KIT: variants seen among roughly 807,000 people sequenced by gnomAD.
KIT encodes the protein KIT proto-oncogene, receptor tyrosine kinase.
In KIT, 16 loss-of-function variants were observed where a neutral mutation model predicts 105.7. The ratio of observed to expected loss-of-function variants is 0.15; its 90% CI spans 0.10 to 0.23. The LOEUF (loss-of-function observed/expected upper bound fraction) is 0.23, where lower values mean the gene tolerates loss of function less well. KIT is among the 10% of genes least tolerant of loss of function. KIT has a pLI of 1.00. For synonymous variants in KIT, 438 were observed against 441.1 expected (o/e 0.99, Z 0.09); for missense variants, 858 against 1,213.8 (o/e 0.71, Z 4.36).
In KIT at chr4:54,700,667, C is replaced by T. The variant is rs377718364; in HGVS notation, c.756+901C>T. ...TTGGAAAAAAGAAATATTATATTTT[C>T]TTTCTCCTCCTCTTCCTCCTCCTGC... On this transcript the variant is annotated intron_variant, in intron 4 of 20. Coordinates refer to ENST00000288135, the MANE Select transcript of KIT (RefSeq NM_000222.3). Among the ~76,000 whole-genome samples, 31 of 152,150 alleles carry T rather than the reference C, an allele frequency of 2.0e-4. No individual in the cohort carries two copies. In the East Asian group the frequency reaches 3.7e-3, roughly 18 times the overall value.
chr4:54,682,756 T>G (rs6852724), intron 1 of KIT, among the ~76,000 whole-genome samples: 108 of 119,024 alleles, frequency 9.1e-4, no homozygotes, highest in African/African-American at 5.0e-3. Flanking sequence ...GACCGTTTTT[T>G]TTTTTTTTTT....
chr4:54,704,912 C>A (rs1315347456), intron 5 of KIT, among the ~76,000 whole-genome samples: 1 of 152,176 alleles, frequency 6.6e-6, no homozygotes, highest in East Asian at 1.9e-4. Context: ...CCACAATAAT[C>A]TCGTAAAATT....
intron 3 of KIT, 124 bp from the exon 4 acceptor site, chr4:54,699,506 C>T: frequency 9.2e-7 from 1 of 1,083,580 alleles, no homozygotes; most frequent in East Asian, 2.5e-5. Context: ...TAGGTTAGCA[C>T]CATGCTTTGT....
intron 1 of KIT, among the ~76,000 whole-genome samples, chr4:54,672,396 A>G (rs1001343986): frequency 7.3e-5 from 11 of 151,648 alleles, no homozygotes; most frequent in Admixed American, 5.9e-4. Flanking sequence ...GTGAAGATTC[A>G]TATTTTTTGC....
intron 14 of KIT, among the ~76,000 whole-genome samples, 199 bp from the exon 15 acceptor site, chr4:54,731,129 T>C (rs553466471): frequency 7.9e-5 from 12 of 152,180 alleles, no homozygotes; most frequent in Non-Finnish European, 1.5e-4. Context: ...TTTCTGGGCA[T>C]GGACCCCAAT....
At chr4:54,711,928 C>CAA (rs549683976) in intron 7 of KIT, among the ~76,000 whole-genome samples, 139 of 73,824 alleles carry the variant, frequency 1.9e-3, no homozygotes, top group African/African-American at 6.6e-3. Flanking sequence ...GAGTCCGTCT[C>CAA]AAAAAAAAAA....
chr4:54,693,316 G>A (rs774004511), intron 1 of KIT, among the ~76,000 whole-genome samples: 5 of 152,108 alleles, frequency 3.3e-5, no homozygotes, highest in Non-Finnish European at 5.9e-5. Flanking sequence ...GTACTGCATT[G>A]CCTTCTTTGC....
chr4:54,666,972 TTGTACGG>T (rs1361950789), intron 1 of KIT, among the ~76,000 whole-genome samples: 1 of 152,084 alleles, frequency 6.6e-6, no homozygotes, highest in African/African-American at 2.4e-5. Context: ...ACAGAAGAAA[TTGTACGG>T]TGTGGTAGCT....
intron 17 of KIT, among the ~76,000 whole-genome samples, chr4:54,735,365 C>G (rs75378954): frequency 9.7e-6 from 1 of 102,780 alleles, no homozygotes; most frequent in African/African-American, 5.3e-5. Context: ...AACTTTAACA[C>G]CAAAAAAAAA....
intron 16 of KIT, among the ~76,000 whole-genome samples, chr4:54,732,715 A>G (rs1722685784): frequency 6.6e-6 from 1 of 152,190 alleles, no homozygotes; most frequent in Non-Finnish European, 1.5e-5. Flanking sequence ...GCAAAGGCAT[A>G]TTAGGAACTC....
chr4:54,732,269 C>A (rs1022168317), intron 16 of KIT, among the ~76,000 whole-genome samples: 1 of 151,812 alleles, frequency 6.6e-6, no homozygotes, highest in African/African-American at 2.4e-5. Flanking sequence ...CAGTGAAATT[C>A]TTTTAAAACT....
At chr4:54,724,501 GC>G (rs967802995) in intron 8 of KIT, among the ~76,000 whole-genome samples, 1 of 152,144 alleles carries the variant, frequency 6.6e-6, no homozygotes, top group African/African-American at 2.4e-5. Flanking sequence ...AGGGTTCAAG[GC>G]CCCTGGGAGG....
intron 1 of KIT, among the ~76,000 whole-genome samples, chr4:54,658,498 T>C (rs1716985304): frequency 6.6e-6 from 1 of 151,846 alleles, no homozygotes; most frequent in Non-Finnish European, 1.5e-5. Flanking sequence ...AAAAGTTGCG[T>C]GTGTGTGACC....
chr4:54,659,628 G>C (rs1009699884), intron 1 of KIT, among the ~76,000 whole-genome samples: 2 of 152,130 alleles, frequency 1.3e-5, no homozygotes, highest in Admixed American at 6.5e-5. Context: ...TGTGCAGCAG[G>C]AGGGGTCAGC....
At chr4:54,661,819 TAGAG>T (rs1717292787) in intron 1 of KIT, among the ~76,000 whole-genome samples, 1 of 152,108 alleles carries the variant, frequency 6.6e-6, no homozygotes, top group South Asian at 2.1e-4. Flanking sequence ...TTGTTGTACT[TAGAG>T]AGGAATTGAG....
intron 7 of KIT, among the ~76,000 whole-genome samples, chr4:54,716,650 C>G (rs773704002): frequency 5.9e-5 from 9 of 152,120 alleles, no homozygotes; most frequent in Non-Finnish European, 2.9e-5. Flanking sequence ...TATAATTTCT[C>G]TAGCCCATGC....
chr4:54,729,368 A>G lies in KIT; in HGVS notation c.2024A>G (p.Tyr675Cys), dbSNP rs764970586. ...CTGGTCATTACAGAATATTGTTGCT[A>G]TGGTGATCTTTTGAATTTTTTGAGA... ...PTLVITEYCC[Y>C]GDLLNFLRRK... The change falls in exon 14 of 21, where the codon TAT becomes TGT. Residue 675 changes from tyrosine to cysteine, a missense_variant. By Grantham distance (194) the Tyr-to-Cys change is radical (BLOSUM62 -2). Transcript: ENST00000288135. 1 of 1,613,732 alleles carries G rather than the reference A, an allele frequency of 6.2e-7. No individual in the cohort carries two copies. Among genetic ancestry groups the G allele is most frequent in the Non-Finnish European group, 8.5e-7 (1 of 1,179,756 alleles).
chr4:54,673,106 T>TTATATAG (rs1351287297), intron 1 of KIT, among the ~76,000 whole-genome samples: 3 of 152,236 alleles, frequency 2.0e-5, no homozygotes, highest in Admixed American at 6.5e-5. Context: ...AGCCCACTAG[T>TTATATAG]TAGTTTTATA....
intron 5 of KIT, 80 bp from the exon 6 acceptor site, chr4:54,707,018 T>G: frequency 1.3e-6 from 1 of 777,488 alleles, no homozygotes; most frequent in Non-Finnish European, 2.2e-6. Context: ...ATTGTTTTTG[T>G]AATTCCAAGA....
Sources: gnomAD v4.1 joint callset for allele counts (sites outside exome capture counted in the v4.1 genomes callset) on GRCh38, gnomAD v4.1.1 for gene constraint, MANE v1.5 for transcripts, NCBI Gene and HGNC (gene_info 2026-07-23, HGNC 2026-07-21) for gene names.